NPAS3: variants seen among roughly 807,000 people sequenced by gnomAD.
NPAS3 encodes neuronal PAS domain protein 3.
Under a neutral mutation model 73.1 loss-of-function variants are expected in NPAS3, and 14 were observed. That is an observed-to-expected ratio of 0.19 (90% CI 0.13 to 0.30). The LOEUF (loss-of-function observed/expected upper bound fraction) is 0.30, where lower values mean the gene tolerates loss of function less well. Among genes scored for constraint, NPAS3 ranks in the 10% least tolerant of loss-of-function variants. NPAS3 has a pLI of 1.00. For synonymous variants in NPAS3, 620 were observed against 541.5 expected, an observed-to-expected ratio of 1.14 and a Z score of -2.01; for missense variants, 1,096 against 1,250.0, an observed-to-expected ratio of 0.88 and a Z score of 1.86.
chr14:33,108,798 G>A (rs572646452), intron 2 of NPAS3, among the ~76,000 whole-genome samples: 6 of 152,094 alleles, frequency 3.9e-5, no homozygotes, highest in Non-Finnish European at 8.8e-5. Context: ...TAGAATTGAA[G>A]TCGATTCCAG....
At position 33,752,201 on chromosome 14, in the gene NPAS3, T is replaced by C. The variant is rs189679931; in HGVS notation, c.852+16869T>C. ...AATATGAAACTTTGGTGCTTTGTAT[T>C]GCAGATCATAAGCTGAGTTGCTTTC... On this transcript the variant is annotated intron_variant, in intron 7 of 11. Coordinates refer to ENST00000356141, the Ensembl canonical transcript of NPAS3. Among the ~76,000 whole-genome samples the C allele has an allele frequency of 2.0e-5, 3 of 152,352 alleles. No homozygotes were observed. The East Asian group carries it at 5.8e-4, about 29-fold the overall frequency.
intron 2 of NPAS3, among the ~76,000 whole-genome samples, chr14:33,088,748 C>T (rs992897232): frequency 3.3e-5 from 5 of 152,146 alleles, no homozygotes; most frequent in Admixed American, 6.5e-5. Flanking sequence ...CTCTGACCCC[C>T]GAGTAGCCTA....
intron 3 of NPAS3, among the ~76,000 whole-genome samples, chr14:33,339,847 C>T (rs1453328879): frequency 2.0e-5 from 3 of 152,074 alleles, no homozygotes. Context: ...AATCTAATGT[C>T]TATATGAGTG....
chr14:33,250,290 C>T (rs1355488414), intron 3 of NPAS3, among the ~76,000 whole-genome samples: 1 of 151,700 alleles, frequency 6.6e-6, no homozygotes, highest in Admixed American at 6.6e-5. Context: ...AGGAGTTTCT[C>T]ATTGCTGTCT....
At chr14:33,443,511 T>A (rs2049344002) in intron 4 of NPAS3, among the ~76,000 whole-genome samples, 1 of 152,220 alleles carries the variant, frequency 6.6e-6, no homozygotes, top group South Asian at 2.1e-4. Flanking sequence ...TGCATGGATC[T>A]TGTCCTGGAA....
chr14:33,434,712 C>T (rs1051083014), intron 4 of NPAS3, among the ~76,000 whole-genome samples: 19 of 152,110 alleles, frequency 1.2e-4, no homozygotes, highest in African/African-American at 3.6e-4. Context: ...TTTGTGTTAG[C>T]TTATATATGA....
rs772885846 is a variant in NPAS3 at position 33,079,325 on chromosome 14, C to CTTTTTTTTT, written c.140+23334_140+23342dup. ...ACTTGATTTGTACTTTTTCTTTTTCCTTTTTTTTTTTGAGACAGAGTCTTG... is the reference window on the plus strand; with the variant it reads ...ACTTGATTTGTACTTTTTCTTTTTCCTTTTTTTTTTTTTTTTTTTTGAGACAGAGTCTTG... On this transcript the variant is annotated intron_variant, in intron 2 of 11. Transcript: ENST00000356141. 8.3e-5 allele frequency among the ~76,000 whole-genome samples: 11 copies of CTTTTTTTTT among 132,296 alleles called. 2 individuals carry two copies. Among genetic ancestry groups the CTTTTTTTTT allele is most frequent in the African/African-American group, 1.5e-4 (5 of 34,354 alleles). 86.8% of individuals were successfully genotyped at this position (132,296 alleles called of 152,430 possible). A position where few individuals can be genotyped will look rare whatever the true frequency, so the allele number is the denominator to read the frequency against.
At chr14:33,762,569 CT>C (rs796435489) in intron 7 of NPAS3, among the ~76,000 whole-genome samples, 3 of 151,856 alleles carry the variant, frequency 2.0e-5, no homozygotes, top group Non-Finnish European at 2.9e-5. Context: ...TTTGGGGGCT[CT>C]TTTTTTTAAG....
chr14:33,073,269 A>G (rs188832420), intron 2 of NPAS3, among the ~76,000 whole-genome samples: 37 of 152,360 alleles, frequency 2.4e-4, no homozygotes, highest in East Asian at 1.9e-3. Context: ...CAGTGGGGCA[A>G]TGAGGCATAT....
intron 2 of NPAS3, among the ~76,000 whole-genome samples, chr14:33,149,693 G>A (rs2044375376): frequency 6.6e-6 from 1 of 152,106 alleles, no homozygotes; most frequent in Non-Finnish European, 1.5e-5. Flanking sequence ...AATGTAGAAA[G>A]CCTTTAGATA....
intron 4 of NPAS3, among the ~76,000 whole-genome samples, chr14:33,431,231 T>A (rs947971680): frequency 6.6e-6 from 1 of 152,224 alleles, no homozygotes; most frequent in African/African-American, 2.4e-5. Flanking sequence ...CTACCACATC[T>A]GGCTTTTCCA....
At chr14:33,328,384 T>C in intron 3 of NPAS3, among the ~76,000 whole-genome samples, 1 of 149,864 alleles carries the variant, frequency 6.7e-6, no homozygotes, top group East Asian at 1.9e-4. Flanking sequence ...ATTTTATTTG[T>C]TTTTCCTGTT....
intron 3 of NPAS3, among the ~76,000 whole-genome samples, chr14:33,341,265 T>C (rs2044465194): frequency 6.6e-6 from 1 of 152,206 alleles, no homozygotes; most frequent in South Asian, 2.1e-4. Flanking sequence ...TGGTACCTGC[T>C]GAGTTTTGGG....
chr14:33,565,094 G>C (rs1478197138), intron 5 of NPAS3, among the ~76,000 whole-genome samples: 4 of 152,224 alleles, frequency 2.6e-5, no homozygotes, highest in African/African-American at 9.7e-5. Flanking sequence ...AAGGCAGCTT[G>C]CTGAAAAGGG....
At chr14:33,138,095 G>A (rs2043908525) in intron 2 of NPAS3, among the ~76,000 whole-genome samples, 1 of 150,142 alleles carries the variant, frequency 6.7e-6, no homozygotes, top group South Asian at 2.1e-4. Flanking sequence ...GGATACATGT[G>A]TACAATGTGC....
chr14:33,442,460 T>A (rs2049296560), intron 4 of NPAS3, among the ~76,000 whole-genome samples: 1 of 151,952 alleles, frequency 6.6e-6, no homozygotes, highest in Non-Finnish European at 1.5e-5. Context: ...GGTGATACGG[T>A]TTGGCTGTGT....
At chr14:33,715,054 G>A (rs1370986819) in intron 6 of NPAS3, among the ~76,000 whole-genome samples, 1 of 152,170 alleles carries the variant, frequency 6.6e-6, no homozygotes, top group African/African-American at 2.4e-5. Flanking sequence ...GATAATGTCT[G>A]AGCAGAGAAG....
At chr14:33,179,541 C>T (rs2045717444) in intron 2 of NPAS3, among the ~76,000 whole-genome samples, 1 of 152,192 alleles carries the variant, frequency 6.6e-6, no homozygotes, top group East Asian at 1.9e-4. Context: ...GATATGGAAG[C>T]TTAGAGCTAG....
chr14:33,272,534 A>G (rs913048713), intron 3 of NPAS3, among the ~76,000 whole-genome samples: 1 of 152,022 alleles, frequency 6.6e-6, no homozygotes, highest in African/African-American at 2.4e-5. Context: ...CTCTTCCCTC[A>G]GCCTCCCGAG....
Sources: allele counts gnomAD v4.1 joint callset (sites outside exome capture counted in the v4.1 genomes callset), GRCh38; gene constraint gnomAD v4.1.1; transcripts MANE v1.5; gene names NCBI Gene and HGNC (gene_info 2026-07-23, HGNC 2026-07-21).